The following DMD variants were observed in gnomAD, a reference collection of about 807,000 sequenced individuals.
DMD encodes mutant dystrophin.
Under a neutral mutation model 330.1 loss-of-function variants are expected in DMD, and 63 were observed. The ratio of observed to expected loss-of-function variants is 0.19; its 90% confidence interval spans 0.16 to 0.24. The LOEUF is 0.24. Ranked by LOEUF, DMD falls within the 10% of genes least tolerant of loss-of-function variation. DMD has a pLI of 1.00. For missense variants in DMD, 3,344 were observed against 2,684.1 expected (o/e 1.25, Z -5.43); for synonymous variants, 1,223 against 959.8 (o/e 1.27, Z -5.07).
intron 44 of DMD, among the ~76,000 whole-genome samples, chrX:32,135,074 G>T (rs778199424): frequency 8.9e-6 from 1 of 112,004 alleles, no homozygotes; most frequent in East Asian, 2.8e-4. Context: ...GAAAGATATT[G>T]CCTAGACTGT....
At chrX:31,849,090 A>G (rs1342457293) in intron 48 of DMD, among the ~76,000 whole-genome samples, 1 of 110,369 alleles carries the variant, frequency 9.1e-6, no homozygotes, top group African/African-American at 3.3e-5. Context: ...CTTGTACTCA[A>G]TTTCTTTAAA....
Position 32,735,030 on chromosome X carries a change from T to C in DMD, c.650-35737A>G, listed in dbSNP as rs781375214. On this transcript the variant is annotated intron_variant, in intron 7 of 78. Coordinates refer to ENST00000357033, the MANE Select transcript of DMD (RefSeq NM_004006.3). ...TCTAGAAAACCCCACTGTCTCAGCC[T>C]AAAATCTCCTTAAGCTGATAGGGAA... Among the ~76,000 whole-genome samples the C allele has an allele frequency of 1.5e-4, 17 of 111,134 alleles. No homozygotes were observed. The South Asian group carries it at 2.3e-3, about 15-fold the overall frequency.
intron 9 of DMD, among the ~76,000 whole-genome samples, chrX:32,655,395 AC>A (rs1285866896): frequency 2.7e-5 from 3 of 112,102 alleles, no homozygotes; most frequent in African/African-American, 9.7e-5. Context: ...TTCGTTATGT[AC>A]CCAGTAGTCA....
chrX:33,145,924 G>A (rs187423247), intron 1 of DMD, among the ~76,000 whole-genome samples: 8,194 of 109,621 alleles, frequency 0.075, 313 homozygotes, highest in South Asian at 0.2. Context: ...GTCTCGCTCT[G>A]TCGCCAGGCT....
intron 60 of DMD, among the ~76,000 whole-genome samples, chrX:31,383,612 T>A (rs2060295076): frequency 8.9e-6 from 1 of 111,802 alleles, no homozygotes; most frequent in Admixed American, 9.5e-5. Flanking sequence ...CCTGCTCAAA[T>A]GTTGCCTTTT....
intron 55 of DMD, among the ~76,000 whole-genome samples, chrX:31,564,645 C>G (rs1454733247): frequency 1.8e-5 from 2 of 112,258 alleles, no homozygotes; most frequent in Non-Finnish European, 3.8e-5. Context: ...ATAAGACCCC[C>G]TAAATTATCA....
chrX:31,519,543 C>T (rs999261837), intron 55 of DMD, among the ~76,000 whole-genome samples: 2 of 111,171 alleles, frequency 1.8e-5, no homozygotes, highest in African/African-American at 6.5e-5. Context: ...CCCCTAAAAA[C>T]CTCAAAATAC....
At chrX:31,304,226 T>C (rs772633113) in intron 62 of DMD, among the ~76,000 whole-genome samples, 2 of 112,087 alleles carry the variant, frequency 1.8e-5, no homozygotes, top group East Asian at 5.5e-4. Context: ...TGGTCATTTA[T>C]GCTGTGACAA....
Position 32,618,912 on chromosome X carries a change from G to A in DMD, c.1332-4459C>T, listed in dbSNP as rs1255304493. Among the ~76,000 whole-genome samples, 4 of 111,180 alleles carry A rather than the reference G, an allele frequency of 3.6e-5. No homozygotes were observed. In the East Asian group the frequency reaches 1.1e-3, roughly 32 times the overall value. ...ATGGAAAACAGTATGAAGGCTCCTT[G>A]AAATATGAACAACAAAACTACAATA... On this transcript the variant is annotated intron_variant, in intron 11 of 78. Coordinates refer to ENST00000357033, the MANE Select transcript of DMD (RefSeq NM_004006.3).
intron 2 of DMD, among the ~76,000 whole-genome samples, chrX:32,907,528 T>C (rs1025048446): frequency 8.9e-6 from 1 of 111,806 alleles, no homozygotes; most frequent in Non-Finnish European, 1.9e-5. Context: ...TAGGAGAGAA[T>C]TGATCAAAAT....
Position 31,209,572 on chromosome X carries a change from T to C in DMD, c.9489A>G (p.Gln3163=). 8.3e-7 allele frequency: 1 copy of C among 1,211,575 alleles called. No homozygotes were observed. The highest frequency in any genetic ancestry group is 1.7e-5 in the African/African-American group (1 of 57,726). Residue 3163 remains glutamine, a synonymous_variant, in exon 65 of 79, where the codon CAA becomes CAG. Transcript: ENST00000357033. ...GGACGTTGACCAAATTGTTGTGCTC[T>C]TGCTCCAGGCGGTCATAAATAGTGG... ...CLTTIYDRLE[Q]EHNNLVNVPL... is the part of the protein sequence containing the mutation.
chrX:33,188,407 T>C (rs947501248), intron 1 of DMD, among the ~76,000 whole-genome samples: 2 of 110,969 alleles, frequency 1.8e-5, no homozygotes, highest in Admixed American at 9.7e-5. Flanking sequence ...TTTTGCCCTC[T>C]GGTACTTTGT....
chrX:31,848,026 A>G (rs2093457761), intron 48 of DMD, among the ~76,000 whole-genome samples: 1 of 111,489 alleles, frequency 9.0e-6, no homozygotes, highest in African/African-American at 3.3e-5. Flanking sequence ...TTCTTTCTGA[A>G]TCTGTTGTGT....
intron 50 of DMD, among the ~76,000 whole-genome samples, chrX:31,779,789 G>C (rs914107050): frequency 9.1e-6 from 1 of 110,423 alleles, no homozygotes; most frequent in Non-Finnish European, 1.9e-5. Context: ...ATACTATGTA[G>C]CATAATACCT....
intron 60 of DMD, among the ~76,000 whole-genome samples, chrX:31,437,248 G>A (rs2064597001): frequency 8.9e-6 from 1 of 112,017 alleles, no homozygotes; most frequent in African/African-American, 3.2e-5. Context: ...ACAAAAACCA[G>A]TGGTATATGG....
At chrX:32,598,920 G>A (rs899985480) in intron 12 of DMD, among the ~76,000 whole-genome samples, 3 of 111,832 alleles carry the variant, frequency 2.7e-5, no homozygotes, top group Non-Finnish European at 5.6e-5. Flanking sequence ...GTGGGGAAAG[G>A]CTCTCTACAG....
At chrX:32,721,281 C>T (rs1323027178) in intron 7 of DMD, among the ~76,000 whole-genome samples, 2 of 110,580 alleles carry the variant, frequency 1.8e-5, no homozygotes, top group Non-Finnish European at 3.8e-5. Flanking sequence ...GAAACACTCC[C>T]AGACAATTTT....
chrX:31,168,024 T>C (rs779180576), intron 74 of DMD, among the ~76,000 whole-genome samples: 2 of 112,192 alleles, frequency 1.8e-5, no homozygotes, highest in Non-Finnish European at 3.8e-5. Flanking sequence ...TGCAGGGATC[T>C]AGCAGGGCTC....
chrX:31,379,224 A>G (rs1012931118), intron 60 of DMD, among the ~76,000 whole-genome samples: 1 of 109,868 alleles, frequency 9.1e-6, no homozygotes, highest in East Asian at 2.9e-4. Context: ...CCTCCACCCT[A>G]TAATCCTTTT....
Sources: gnomAD v4.1 joint callset for allele counts (sites outside exome capture counted in the v4.1 genomes callset) on GRCh38, gnomAD v4.1.1 for gene constraint, MANE v1.5 for transcripts, NCBI Gene and HGNC (gene_info 2026-07-23, HGNC 2026-07-21) for gene names.